NEK8: variants seen among roughly 807,000 people sequenced by gnomAD.
The protein encoded by NEK8 is NIMA related kinase 8, also known as serine/threonine-protein kinase Nek8.
A neutral mutation model predicts 77.2 loss-of-function variants in NEK8; 51 were observed. The observed-to-expected ratio is 0.66, with a 90% CI of 0.53 to 0.83. The LOEUF (loss-of-function observed/expected upper bound fraction) is 0.83, where lower values mean the gene tolerates loss of function less well. Ranked by LOEUF, NEK8 falls within the 40% of genes least tolerant of loss-of-function variation. NEK8 has a pLI of 0.00. For synonymous variants in NEK8, 365 were observed against 363.2 expected, an observed-to-expected ratio of 1.00 and a Z score of -0.06; for missense variants, 787 against 909.2, an observed-to-expected ratio of 0.87 and a Z score of 1.73.
At position 28,738,758 on chromosome 17, in the gene NEK8, C is replaced by A. The variant is rs200901333; in HGVS notation, c.1299+11C>A. ...ACTGACATCAGCCAGGTGGGTGTCA[C>A]ATATACCTTGGGAAGGGGAAGTCGG... On this transcript the variant is annotated intron_variant, in intron 9 of 14. Coordinates refer to ENST00000268766, the MANE Select transcript of NEK8 (RefSeq NM_178170.3). 6.2e-7 allele frequency: 1 copy of A among 1,608,266 alleles called. No homozygotes were observed. The highest frequency in any genetic ancestry group is 2.2e-5 in the East Asian group (1 of 44,840).
Position 28,737,267 on chromosome 17 carries a change from C to A in NEK8, c.619-39C>A. On this transcript the variant is annotated intron_variant, in intron 4 of 14. Transcript: ENST00000268766. The surrounding 1 kb of genome is among the most constrained non-coding windows in gnomAD (Gnocchi z 4.8). ...CAGGGGCTGGAGCTGGGGGGTGCTG[C>A]CCTCACTTCCCCAAATTCTCAACCT... The A allele has an allele frequency of 6.5e-7, 1 of 1,534,058 alleles. No individual in the cohort carries two copies.
intron 1 of NEK8, among the ~76,000 whole-genome samples, chr17:28,729,970 A>G (rs1597803270): frequency 1.3e-5 from 2 of 152,270 alleles, no homozygotes; most frequent in Non-Finnish European, 2.9e-5. Flanking sequence ...AGAGCATTCA[A>G]GAAACCGAGA....
At position 28,740,584 on chromosome 17, in the gene NEK8, T is replaced by C. The variant is rs368315047; in HGVS notation, c.1539T>C (p.Pro513=). The C allele has an allele frequency of 3.9e-5, 63 of 1,614,090 alleles. No homozygotes were observed. The highest frequency in any genetic ancestry group is 1.3e-5 in the African/African-American group (1 of 74,948). Residue 513 remains proline (P), a synonymous_variant, in exon 11 of 15, where the codon CCT becomes CCC. Transcript: ENST00000268766. This position sits in a 1 kb window ranked among gnomAD's most constrained non-coding sequence, Gnocchi z 4.7. ...GIDSSMILTV[P]GQALACGSNR... is the part of the protein sequence containing the mutation. ...ATTCCTCCATGATCCTCACTGTGCC[T>C]GGCCAAGCCCTAGCCTGTGGGAGCA...
intron 1 of NEK8, among the ~76,000 whole-genome samples, chr17:28,732,612 C>T (rs1387175118): frequency 2.3e-5 from 3 of 130,860 alleles, no homozygotes; most frequent in East Asian, 4.4e-4. Context: ...AGTGCAGTGG[C>T]GCCATCTCGG....
In NEK8 at chr17:28,740,395, G is replaced by A. The variant is rs1018333422; in HGVS notation, c.1418-68G>A. 8 of 1,384,082 alleles carry A rather than the reference G, an allele frequency of 5.8e-6. No homozygotes were observed. The African/African-American group carries it at 9.9e-5, about 17-fold the overall frequency. 85.7% of individuals were successfully genotyped at this position (1,384,082 alleles called of 1,614,324 possible). A position where few individuals can be genotyped will look rare whatever the true frequency, so the allele number is the denominator to read the frequency against. On this transcript the variant is annotated intron_variant, in intron 10 of 14. Transcript: ENST00000268766. This position sits in a 1 kb window ranked among gnomAD's most constrained non-coding sequence, Gnocchi z 4.7. ...CTCATGCTGTTCCCTCCCCTCAGTG[G>A]GCCCTCCTCATTCGGGCATCACCCC... is the stretch of plus-strand genomic sequence containing the variant.
Position 28,738,758 on chromosome 17 carries a change from C to T in NEK8, c.1299+11C>T, listed in dbSNP as rs200901333. 92 of 1,608,148 alleles carry T rather than the reference C, an allele frequency of 5.7e-5. 1 individual carries two copies. Among genetic ancestry groups the T allele is most frequent in the Middle Eastern group, 1.6e-4 (1 of 6,078 alleles). ...ACTGACATCAGCCAGGTGGGTGTCA[C>T]ATATACCTTGGGAAGGGGAAGTCGG... On this transcript the variant is annotated intron_variant, in intron 9 of 14. Coordinates refer to ENST00000268766, the MANE Select transcript of NEK8 (RefSeq NM_178170.3).
chr17:28,737,933 T>A lies in NEK8; in HGVS notation c.1004T>A (p.Val335Asp). The A allele has an allele frequency of 6.2e-7, 1 of 1,613,180 alleles. No homozygotes were observed. The highest frequency in any genetic ancestry group is 8.5e-7 in the Non-Finnish European group (1 of 1,179,508). ...LRLPMLNTEV[V>D]QVAAGRTQKA... ...CTGCCAATGCTCAACACAGAGGTGG[T>A]CCAGGTGGCAGCTGGGCGCACGCAG... is the stretch of plus-strand genomic sequence containing the variant. The change falls in exon 7 of 15, where the codon GTC becomes GAC. Residue 335 changes from valine (V) to aspartate (D), a missense_variant. By Grantham distance (152) the Val-to-Asp change is radical (BLOSUM62 -3). This residue lies in a region of NEK8 where 516 missense variants were observed against 544.0 expected (regional missense o/e 0.95). Transcript: ENST00000268766. This position sits in a 1 kb window ranked among gnomAD's most constrained non-coding sequence, Gnocchi z 4.8.
At position 28,741,678 on chromosome 17, in the gene NEK8, C is replaced by A; in HGVS notation, c.2050+107C>A. On this transcript the variant is annotated intron_variant, in intron 14 of 14. Coordinates refer to ENST00000268766, the MANE Select transcript of NEK8 (RefSeq NM_178170.3). This position sits in a 1 kb window ranked among gnomAD's most constrained non-coding sequence, Gnocchi z 4.5. ...CACATCACCAAAAGCATCTTTAGCC[C>A]CCAGATAAAAAAAGCAGAAGCTGCG... is the stretch of plus-strand genomic sequence containing the variant. 1 of 1,356,638 alleles carries A rather than the reference C, an allele frequency of 7.4e-7. No individual in the cohort carries two copies. Among genetic ancestry groups the A allele is most frequent in the Non-Finnish European group, 1.1e-6 (1 of 952,246 alleles). The allele number at this position is 1,356,638 out of a possible 1,614,324, so 84.0% of individuals were successfully genotyped here.
Position 28,734,057 on chromosome 17 carries a change from C to G in NEK8, c.122C>G (p.Thr41Ser), listed in dbSNP as rs763972758. ...IIKQIPVEQM[T>S]KEERQAAQNE... ...AAGCAGATTCCAGTGGAACAGATGACCAAGGAAGAGCGGCAGGCAGCCCAG... is the reference window on the plus strand; with the variant it reads ...AAGCAGATTCCAGTGGAACAGATGAGCAAGGAAGAGCGGCAGGCAGCCCAG... Residue 41 changes from threonine (T) to serine (S), a missense_variant, in exon 2 of 15, where the codon ACC becomes AGC. Transcript: ENST00000268766. The G allele has an allele frequency of 6.2e-7, 1 of 1,614,198 alleles. No homozygotes were observed. Among genetic ancestry groups the G allele is most frequent in the Admixed American group, 1.7e-5 (1 of 60,022 alleles).
chr17:28,740,094 G>C lies in NEK8; in HGVS notation c.1418-369G>C, dbSNP rs2034405607. Among the ~76,000 whole-genome samples, 1 of 151,928 alleles carries C rather than the reference G, an allele frequency of 6.6e-6. No individual in the cohort carries two copies. Among genetic ancestry groups the C allele is most frequent in the South Asian group, 2.1e-4 (1 of 4,806 alleles). Reference sequence around the variant, plus strand: ...AGGTCAGGAGTTCAAGACCAGCCTGGCCAACATGGTAAAACCCCGTCTCTA... The same window carrying C: ...AGGTCAGGAGTTCAAGACCAGCCTGCCCAACATGGTAAAACCCCGTCTCTA... On this transcript the variant is annotated intron_variant, in intron 10 of 14. Coordinates refer to ENST00000268766, the MANE Select transcript of NEK8 (RefSeq NM_178170.3). This position sits in a 1 kb window ranked among gnomAD's most constrained non-coding sequence, Gnocchi z 4.7.
Position 28,739,125 on chromosome 17 carries a change from G to T in NEK8, c.1341G>T (p.Gln447His), listed in dbSNP as rs756668202. The change falls in exon 10 of 15, where the codon CAG becomes CAT. Residue 447 changes from glutamine (Q) to histidine (H), a missense_variant. Gln to His is a conservative substitution (Grantham distance 24). Transcript: ENST00000268766. ...VEALLGYEMV[Q>H]VACGASHVLA... ...CTTTGCTGGGCTATGAAATGGTGCA[G>T]GTGGCCTGTGGGGCCTCTCACGTGC... 12 of 1,614,180 alleles carry T rather than the reference G, an allele frequency of 7.4e-6. No individual in the cohort carries two copies. The highest frequency in any genetic ancestry group is 9.3e-6 in the Non-Finnish European group (11 of 1,179,996).
rs547898079 is a variant in NEK8 at position 28,738,678 on chromosome 17, C to T, written c.1230C>T (p.Gly410=). Residue 410 remains glycine, a synonymous_variant, in exon 9 of 15, where the codon GGC becomes GGT. Transcript: ENST00000268766. The stretch of plus-strand genomic sequence containing the variant: ...CACTGCCCTTCTCCCCAGACAGAGG[C>T]ATCATCATGACATTCGGCAGCGGCA... ...DFFTACLTDR[G]IIMTFGSGSN... 1 of 1,614,042 alleles carries T rather than the reference C, an allele frequency of 6.2e-7. No individual in the cohort carries two copies. Among genetic ancestry groups the T allele is most frequent in the East Asian group, 2.2e-5 (1 of 44,892 alleles).
rs1177212239 is a variant in NEK8 at position 28,734,839 on chromosome 17, C to T, written c.321C>T (p.His107=). 5.6e-6 allele frequency: 9 copies of T among 1,613,782 alleles called. No homozygotes were observed. In the African/African-American group the frequency reaches 6.7e-5, roughly 12 times the overall value. Residue 107 remains histidine (H), a synonymous_variant, in exon 3 of 15, where the codon CAC becomes CAT. Coordinates refer to ENST00000268766, the MANE Select transcript of NEK8 (RefSeq NM_178170.3). ...TGCTGGAGGAGGAGACCATCCTGCACTTCTTCGTGCAGATCCTGCTTGCAC... is the reference window on the plus strand; with the variant it reads ...TGCTGGAGGAGGAGACCATCCTGCATTTCTTCGTGCAGATCCTGCTTGCAC... The part of the protein sequence containing the change: ...NSLLEEETIL[H]FFVQILLALH...
Position 28,742,214 on chromosome 17 carries a change from C to T in NEK8, c.*227C>T, listed in dbSNP as rs895887986. ...CTTCCTACCCCTTCCTCCCTTCAGT[C>T]AGTGTCCCCAGGGTCCAGCCTGGCT... On this transcript the variant is annotated 3_prime_UTR_variant, in exon 15 of 15. Coordinates refer to ENST00000268766, the MANE Select transcript of NEK8 (RefSeq NM_178170.3). 1.6e-6 allele frequency: 1 copy of T among 641,742 alleles called. No individual in the cohort carries two copies. Among genetic ancestry groups the T allele is most frequent in the East Asian group, 2.8e-5 (1 of 36,198 alleles). The allele number at this position is 641,742 out of a possible 1,614,324, so 39.8% of individuals were successfully genotyped here. A position where few individuals can be genotyped will look rare whatever the true frequency, so the allele number is the denominator to read the frequency against.
chr17:28,740,856 G>C lies in NEK8; in HGVS notation c.1603G>C (p.Gly535Arg). ...NKLGLDHLSL[G>R]EEPVPHQQVE... ...GCTGGGCCTGGACCACCTCTCCCTG[G>C]GGGAGGAGCCTGTCCCCCACCAGCA... is the stretch of plus-strand genomic sequence containing the variant. The change falls in exon 12 of 15, where the codon GGG (glycine) becomes CGG (arginine). Residue 535 changes from glycine to arginine, a missense_variant. By Grantham distance (125) the Gly-to-Arg change is moderately radical. Around this residue, in one of 2 missense-constraint regions of NEK8, gnomAD observed 516 missense variants for 544.0 expected, o/e 0.95. Coordinates refer to ENST00000268766, the MANE Select transcript of NEK8 (RefSeq NM_178170.3). The surrounding 1 kb of genome is among the most constrained non-coding windows in gnomAD (Gnocchi z 4.7). 6.2e-7 allele frequency: 1 copy of C among 1,614,066 alleles called. No homozygotes were observed. The highest frequency in any genetic ancestry group is 8.5e-7 in the Non-Finnish European group (1 of 1,180,032).
At chr17:28,736,363 A>G (rs2151732383) in intron 4 of NEK8, among the ~76,000 whole-genome samples, 1 of 152,280 alleles carries the variant, frequency 6.6e-6, no homozygotes, top group South Asian at 2.1e-4. Flanking sequence ...GACTTCCACA[A>G]TGGTTGAACT....
intron 1 of NEK8, among the ~76,000 whole-genome samples, chr17:28,730,968 A>G (rs1291311239): frequency 6.6e-6 from 1 of 151,548 alleles, no homozygotes; most frequent in Non-Finnish European, 1.5e-5. Flanking sequence ...GAAAGAAAGA[A>G]GGGGCCGGGC....
chr17:28,741,352 G>A lies in NEK8; in HGVS notation c.1892-61G>A. The stretch of plus-strand genomic sequence containing the variant: ...AGGGGCCATCCTGGCAATGTGGGAG[G>A]GGAGATCCTGCTCGGGCTGTGCCCA... On this transcript the variant is annotated intron_variant, in intron 13 of 14. Transcript: ENST00000268766. This position sits in a 1 kb window ranked among gnomAD's most constrained non-coding sequence, Gnocchi z 4.5. 6.2e-7 allele frequency: 1 copy of A among 1,602,482 alleles called. No individual in the cohort carries two copies. The highest frequency in any genetic ancestry group is 1.1e-5 in the South Asian group (1 of 90,086).
At position 28,740,630 on chromosome 17, in the gene NEK8, G is replaced by T; in HGVS notation, c.1568+17G>T. The T allele has an allele frequency of 4.3e-6, 7 of 1,613,990 alleles. No individual in the cohort carries two copies. The highest frequency in any genetic ancestry group is 5.9e-6 in the Non-Finnish European group (7 of 1,179,918). On this transcript the variant is annotated intron_variant, in intron 11 of 14. Coordinates refer to ENST00000268766, the MANE Select transcript of NEK8 (RefSeq NM_178170.3). The surrounding 1 kb of genome is among the most constrained non-coding windows in gnomAD (Gnocchi z 4.7). Reference sequence around the variant, plus strand: ...GAGCAACAGGTGAATAGATCATCAGGATGACTAACCTGCCCCTGGCTCTCC... The same window carrying T: ...GAGCAACAGGTGAATAGATCATCAGTATGACTAACCTGCCCCTGGCTCTCC...
Sources: allele counts gnomAD v4.1 joint callset (sites outside exome capture counted in the v4.1 genomes callset), GRCh38; gene constraint gnomAD v4.1.1; regional missense constraint gnomAD v4.1.1; non-coding constraint Gnocchi (gnomAD v3.1); transcripts MANE v1.5; gene names NCBI Gene and HGNC (gene_info 2026-07-23, HGNC 2026-07-21).